Variants in TRPA1 observed in about 807,000 individuals in gnomAD.
TRPA1 encodes the protein transient receptor potential cation channel subfamily A member 1.
Under a neutral mutation model 131.3 loss-of-function variants are expected in TRPA1, and 129 were observed. The observed-to-expected ratio is 0.98, with a 90% confidence interval of 0.85 to 1.14. TRPA1 has a LOEUF of 1.14. Ranked by LOEUF, TRPA1 falls within the 50% of genes most tolerant of loss-of-function variation. The probability of loss-of-function intolerance (pLI) is 0.00; values close to 1 mark genes in which losing one functional copy is unlikely to be tolerated. For synonymous variants in TRPA1, 441 were observed against 451.7 expected (o/e 0.98, Z 0.30); for missense variants, 1,304 against 1,354.2 (o/e 0.96, Z 0.58).
intron 25 of TRPA1, 87 bp from the exon 26 acceptor site, chr8:72,023,998 G>A (rs151088341): frequency 1.4e-5 from 12 of 845,030 alleles, no homozygotes; most frequent in Non-Finnish European, 2.3e-5. Context: ...ACCACCACTG[G>A]TACCAATATG....
Position 72,057,785 on chromosome 8 carries a change from C to A in TRPA1, c.1025G>T (p.Gly342Val). The A allele has an allele frequency of 1.2e-6, 2 of 1,613,808 alleles. No homozygotes were observed. The highest frequency in any genetic ancestry group is 1.1e-5 in the South Asian group (1 of 91,070). ...GADINKIDSE[G>V]RSPLILATAS... is the part of the protein sequence containing the mutation. ...AGTTGCTAATATAAGTGGAGAGCGT[C>A]CTTCAGAATCGATCTTATTAATATC... is the stretch of plus-strand genomic sequence containing the variant. Residue 342 changes from glycine to valine, a missense_variant, in exon 9 of 27, where the codon GGA becomes GTA. Transcript: ENST00000262209.
chr8:72,083,768 CA>C, the TRPA1 span, among the ~76,000 whole-genome samples: 8 of 149,954 alleles, frequency 5.3e-5, no homozygotes, highest in African/African-American at 1.8e-4. Context: ...AACGAACAAA[CA>C]AAAAAAAATT....
At chr8:72,039,229 A>G (rs1812162866) in intron 18 of TRPA1, among the ~76,000 whole-genome samples, 2 of 152,082 alleles carry the variant, frequency 1.3e-5, no homozygotes, top group Admixed American at 1.3e-4. Context: ...ACGACTTAAC[A>G]AATTAATGAA....
chr8:72,035,397 T>C (rs982911740), intron 21 of TRPA1, among the ~76,000 whole-genome samples: 1 of 152,176 alleles, frequency 6.6e-6, no homozygotes, highest in South Asian at 2.1e-4. Flanking sequence ...ACTGTGCTTA[T>C]GACACAGCAA....
intron 6 of TRPA1, chr8:72,062,272 A>G (rs1021935454): frequency 5.6e-6 from 1 of 178,586 alleles, no homozygotes; most frequent in African/African-American, 2.4e-5. Flanking sequence ...CCTTTGCAGT[A>G]TCTTGGAGGG....
rs575679030 is a variant in TRPA1 at position 72,057,091 on chromosome 8, A to G, written c.1094-74T>C. 548 of 1,233,730 alleles carry G rather than the reference A, an allele frequency of 4.4e-4. 1 individual carries two copies. The Middle Eastern group carries it at 0.01, about 23-fold the overall frequency. The allele number at this position is 1,233,730 out of a possible 1,614,324, so 76.4% of individuals were successfully genotyped here. ...CAATGTTTACGTGGATTTTCAACTT[A>G]GCAAAAAAAAATTTGACTAAAAATA... is the stretch of plus-strand genomic sequence containing the variant. On this transcript the variant is annotated intron_variant, in intron 9 of 26. Transcript: ENST00000262209.
the TRPA1 span, among the ~76,000 whole-genome samples, chr8:72,084,646 A>C: frequency 8.8e-6 from 1 of 113,432 alleles, no homozygotes; most frequent in African/African-American, 3.5e-5. Context: ...TTAAAATGAT[A>C]ATTTTTTTTT....
the TRPA1 span, among the ~76,000 whole-genome samples, chr8:72,087,838 T>G: frequency 6.6e-6 from 1 of 152,140 alleles, no homozygotes; most frequent in Non-Finnish European, 1.5e-5. Flanking sequence ...ATTTTTGTAT[T>G]TTAGATCTCT....
intron 25 of TRPA1, among the ~76,000 whole-genome samples, chr8:72,024,254 T>C (rs1279481105): frequency 6.6e-6 from 1 of 152,204 alleles, no homozygotes; most frequent in African/African-American, 2.4e-5. Flanking sequence ...TCATTGTTAA[T>C]TATCTAAAAC....
intron 17 of TRPA1, among the ~76,000 whole-genome samples, chr8:72,043,646 T>C (rs1055268798): frequency 3.3e-5 from 5 of 151,820 alleles, no homozygotes; most frequent in Non-Finnish European, 7.4e-5. Context: ...TTTAAAAATG[T>C]CCATCTTTCG....
the TRPA1 span, among the ~76,000 whole-genome samples, chr8:72,086,351 A>G: frequency 6.6e-6 from 1 of 152,168 alleles, no homozygotes; most frequent in Non-Finnish European, 1.5e-5. Flanking sequence ...TCTCCCATCC[A>G]TAGTTATACA....
intron 25 of TRPA1, among the ~76,000 whole-genome samples, chr8:72,024,812 T>G (rs11779461): frequency 0.65 from 98,191 of 151,922 alleles, 32,697 homozygotes; most frequent in East Asian, 0.9. Flanking sequence ...GGTAGTAATT[T>G]TAACCATGGA....
At chr8:72,023,618 C>A in intron 26 of TRPA1, 196 bp downstream of exon 26, 1 of 512,454 alleles carries the variant, frequency 2.0e-6, no homozygotes, top group Non-Finnish European at 3.5e-6. Flanking sequence ...GGAAGGCAAA[C>A]TGATTGGTGA....
At chr8:72,052,804 T>G in intron 13 of TRPA1, 39 bp from the exon 14 acceptor site, 1 of 1,609,320 alleles carries the variant, frequency 6.2e-7, no homozygotes, top group Non-Finnish European at 8.5e-7. Flanking sequence ...GTGGTGACAG[T>G]GTCTAATCTG....
At chr8:72,071,163 T>C (rs1806050293) in intron 2 of TRPA1, among the ~76,000 whole-genome samples, 1 of 152,184 alleles carries the variant, frequency 6.6e-6, no homozygotes, top group Non-Finnish European at 1.5e-5. Context: ...GCTTTTTAGC[T>C]TGGCTTCCAC....
upstream of TRPA1, among the ~76,000 whole-genome samples, chr8:72,075,830 C>T (rs938737899): frequency 1.3e-5 from 2 of 150,624 alleles, no homozygotes; most frequent in African/African-American, 4.9e-5. Context: ...CTAAGAGGCC[C>T]CTTGCCCTGC....
At chr8:72,063,406 A>G (rs1454430807) in intron 5 of TRPA1, 57 bp downstream of exon 5, 3 of 1,257,462 alleles carry the variant, frequency 2.4e-6, no homozygotes, top group Non-Finnish European at 3.5e-6. Context: ...TCAAATTAAT[A>G]GCATCCACCA....
chr8:72,083,729 C>T, the TRPA1 span, among the ~76,000 whole-genome samples: 1 of 151,876 alleles, frequency 6.6e-6, no homozygotes, highest in Admixed American at 6.6e-5. Context: ...GGTGACAGAG[C>T]GAGACCATCT....
At chr8:72,080,398 C>T (rs73294687), upstream of TRPA1, among the ~76,000 whole-genome samples, 5,811 of 151,594 alleles carry the variant, frequency 0.038, 369 homozygotes, top group African/African-American at 0.13. Context: ...ATGTTTTTTT[C>T]TCACTTACAT....
Sources: gnomAD v4.1 joint callset for allele counts (sites outside exome capture counted in the v4.1 genomes callset) on GRCh38, gnomAD v4.1.1 for gene constraint, MANE v1.5 for transcripts, NCBI Gene and HGNC (gene_info 2026-07-23, HGNC 2026-07-21) for gene names.